The following MYO3A variants were observed in gnomAD, a reference collection of about 807,000 sequenced individuals.
The protein encoded by MYO3A is myosin IIIA, also known as myosin-IIIa.
Under a neutral mutation model 192.7 loss-of-function variants are expected in MYO3A, and 180 were observed. The observed-to-expected ratio is 0.93, with a 90% CI of 0.83 to 1.06. MYO3A has a LOEUF of 1.06. MYO3A is among the 50% of genes least tolerant of loss of function. The pLI, the probability that MYO3A is intolerant of heterozygous loss-of-function variation, is 0.00. For missense variants in MYO3A, 1,896 were observed against 1,905.0 expected, an observed-to-expected ratio of 1.00 and a Z score of 0.09; for synonymous variants, 628 against 645.3, an observed-to-expected ratio of 0.97 and a Z score of 0.41.
chr10:25,969,496 G>A (rs1838483875), intron 4 of MYO3A, among the ~76,000 whole-genome samples: 1 of 152,014 alleles, frequency 6.6e-6, no homozygotes, highest in Admixed American at 6.6e-5. Flanking sequence ...TATGTGAAGT[G>A]GTATGTTATT....
chr10:26,077,351 G>A (rs943584497), intron 14 of MYO3A, among the ~76,000 whole-genome samples: 34 of 146,632 alleles, frequency 2.3e-4, no homozygotes, highest in African/African-American at 8.3e-4. Context: ...TATTAATCTC[G>A]TATCTGGAAA....
intron 2 of MYO3A, among the ~76,000 whole-genome samples, chr10:25,942,704 G>A (rs1362962022): frequency 1.3e-5 from 2 of 151,382 alleles, no homozygotes; most frequent in African/African-American, 2.4e-5. Context: ...TTAGGATGTT[G>A]TACATCATTT....
intron 4 of MYO3A, among the ~76,000 whole-genome samples, chr10:25,993,131 T>C (rs111795341): frequency 0.095 from 14,401 of 151,856 alleles, 1,206 homozygotes; most frequent in African/African-American, 0.22. Flanking sequence ...GTGAATCCAT[T>C]TGGTCCTGGA....
intron 4 of MYO3A, among the ~76,000 whole-genome samples, chr10:25,966,500 A>G (rs1289674606): frequency 1.3e-5 from 2 of 152,232 alleles, no homozygotes; most frequent in African/African-American, 4.8e-5. Context: ...TAGGAAAGAG[A>G]AAACCTTTTG....
At position 26,015,206 on chromosome 10, in the gene MYO3A, G is replaced by T. The variant is rs796460091; in HGVS notation, c.509-1614G>T. On this transcript the variant is annotated intron_variant, in intron 6 of 34. Coordinates refer to ENST00000642920, the MANE Select transcript of MYO3A (RefSeq NM_017433.5). ...TTTCTATTAGCCTGTTTTCTGTTCAGCCTTGGTCCTTTTTGACCTCTTTTT... is the reference window on the plus strand; with the variant it reads ...TTTCTATTAGCCTGTTTTCTGTTCATCCTTGGTCCTTTTTGACCTCTTTTT... Among the ~76,000 whole-genome samples the T allele has an allele frequency of 4.1e-4, 62 of 152,196 alleles. 1 individual carries two copies. Among genetic ancestry groups the T allele is most frequent in the African/African-American group, 1.5e-3 (61 of 41,536 alleles).
At chr10:25,970,330 C>T (rs1429407269) in intron 4 of MYO3A, among the ~76,000 whole-genome samples, 1 of 151,798 alleles carries the variant, frequency 6.6e-6, no homozygotes, top group Non-Finnish European at 1.5e-5. Context: ...TTAGATCACA[C>T]ACCTCAAAAA....
intron 20 of MYO3A, among the ~76,000 whole-genome samples, chr10:26,130,294 C>T (rs755217122): frequency 3.9e-5 from 6 of 151,920 alleles, no homozygotes; most frequent in African/African-American, 7.3e-5. Flanking sequence ...TTCATGGAAA[C>T]GGGGTTTCAC....
intron 6 of MYO3A, among the ~76,000 whole-genome samples, chr10:25,998,711 G>C (rs897630464): frequency 1.3e-5 from 2 of 151,998 alleles, no homozygotes; most frequent in Admixed American, 1.3e-4. Context: ...AATAGATACA[G>C]TAAGTATAGC....
At position 26,119,193 on chromosome 10, in the gene MYO3A, G is replaced by A. The variant is rs149465032; in HGVS notation, c.1777-1483G>A. Reference sequence around the variant, plus strand: ...CCTGACCTCCTAACTGAAAAAGCCTGCCCATCCTTTCCCAGGAACTCTCCT... The same window carrying A: ...CCTGACCTCCTAACTGAAAAAGCCTACCCATCCTTTCCCAGGAACTCTCCT... On this transcript the variant is annotated intron_variant, in intron 17 of 34. Coordinates refer to ENST00000642920, the MANE Select transcript of MYO3A (RefSeq NM_017433.5). 2.7e-3 allele frequency among the ~76,000 whole-genome samples: 404 copies of A among 152,196 alleles called. 4 individuals carry two copies. The highest frequency in any genetic ancestry group is 8.6e-3 in the African/African-American group (358 of 41,532).
At chr10:26,178,692 A>T (rs1218407932) in intron 31 of MYO3A, among the ~76,000 whole-genome samples, 1 of 152,212 alleles carries the variant, frequency 6.6e-6, no homozygotes, top group Non-Finnish European at 1.5e-5. Context: ...TCTGTTTTCA[A>T]AAGGGAACTC....
At chr10:26,202,014 T>G (rs559437963) in intron 33 of MYO3A, among the ~76,000 whole-genome samples, 2 of 152,352 alleles carry the variant, frequency 1.3e-5, no homozygotes, top group African/African-American at 4.8e-5. Flanking sequence ...CTTGTAATTT[T>G]TATAGATTTG....
intron 4 of MYO3A, among the ~76,000 whole-genome samples, chr10:25,957,553 T>A (rs1265294380): frequency 6.6e-6 from 1 of 152,194 alleles, no homozygotes; most frequent in Non-Finnish European, 1.5e-5. Flanking sequence ...TGAACATACA[T>A]GTGTCTGTGT....
intron 31 of MYO3A, among the ~76,000 whole-genome samples, chr10:26,184,874 T>G (rs79328445): frequency 0.028 from 4,324 of 152,274 alleles, 192 homozygotes; most frequent in African/African-American, 0.098. Context: ...CTTTTGTAAT[T>G]AAGGGGTTAG....
In MYO3A at chr10:26,024,096, A is replaced by G; in HGVS notation, c.797+9A>G. The G allele has an allele frequency of 6.2e-7, 1 of 1,610,278 alleles. No homozygotes were observed. The highest frequency in any genetic ancestry group is 2.2e-5 in the East Asian group (1 of 44,818). On this transcript the variant is annotated intron_variant, in intron 9 of 34. Transcript: ENST00000642920. ...AATGACTTCATAAGCAAGTGAGTAA[A>G]AACAGTCTTTTAAAAAACCAAAGAT...
At chr10:25,947,089 A>G (rs533063000) in intron 2 of MYO3A, among the ~76,000 whole-genome samples, 70 of 151,746 alleles carry the variant, frequency 4.6e-4, no homozygotes, top group Non-Finnish European at 9.0e-4. Context: ...TATATCCCTT[A>G]GGCTCTGTTT....
At chr10:26,186,733 G>A (rs1842887228) in intron 31 of MYO3A, among the ~76,000 whole-genome samples, 2 of 151,936 alleles carry the variant, frequency 1.3e-5, no homozygotes, top group Admixed American at 6.6e-5. Flanking sequence ...CTTTTCATTG[G>A]TCTATATTTT....
chr10:26,037,139 TAAATG>T (rs1322885483), intron 10 of MYO3A, among the ~76,000 whole-genome samples: 1 of 152,210 alleles, frequency 6.6e-6, no homozygotes, highest in Non-Finnish European at 1.5e-5. Flanking sequence ...GGTGAGAGGA[TAAATG>T]AAATGAAATA....
intron 10 of MYO3A, among the ~76,000 whole-genome samples, chr10:26,032,078 T>C (rs1193649157): frequency 6.6e-6 from 1 of 152,228 alleles, no homozygotes; most frequent in African/African-American, 2.4e-5. Flanking sequence ...CAATTACCTT[T>C]GATATTTATA....
intron 4 of MYO3A, among the ~76,000 whole-genome samples, chr10:25,963,076 A>G (rs9787562): frequency 0.13 from 19,650 of 152,200 alleles, 1,546 homozygotes; most frequent in East Asian, 0.35. Context: ...GCTACAGACT[A>G]CATTCTATTA....
Sources: allele counts gnomAD v4.1 joint callset (sites outside exome capture counted in the v4.1 genomes callset), GRCh38; gene constraint gnomAD v4.1.1; transcripts MANE v1.5; gene names NCBI Gene and HGNC (gene_info 2026-07-23, HGNC 2026-07-21).